Variants in ZNF804A observed in about 807,000 individuals in gnomAD.
The protein encoded by ZNF804A is zinc finger protein 804A.
In ZNF804A, 2 loss-of-function variants were observed where a neutral mutation model predicts 16.5. That is an observed-to-expected ratio of 0.12 (90% CI 0.05 to 0.38). The LOEUF (loss-of-function observed/expected upper bound fraction) is 0.38, where lower values mean the gene tolerates loss of function less well. ZNF804A is among the 10% of genes least tolerant of loss of function. The probability of loss-of-function intolerance (pLI) is 0.99; values close to 1 mark genes in which losing one functional copy is unlikely to be tolerated. For synonymous variants in ZNF804A, 534 were observed against 489.6 expected, an observed-to-expected ratio of 1.09 and a Z score of -1.20; for missense variants, 1,473 against 1,390.7, an observed-to-expected ratio of 1.06 and a Z score of -0.94.
intron 1 of ZNF804A, among the ~76,000 whole-genome samples, chr2:184,783,909 A>G (rs1694409546): frequency 1.3e-5 from 2 of 152,038 alleles, no homozygotes; most frequent in South Asian, 4.1e-4. Context: ...CTTCGGAAGT[A>G]TTGCAATGCC....
chr2:184,769,977 A>G lies in ZNF804A; in HGVS notation c.112-96392A>G, dbSNP rs150939553. On this transcript the variant is annotated intron_variant, in intron 1 of 3. Transcript: ENST00000302277. ...TCCTTTGGATATAACAAAGATACAT[A>G]AATATTTTAAAGTTATAATTTTGAG... Among the ~76,000 whole-genome samples the G allele has an allele frequency of 7.3e-3, 1,114 of 152,234 alleles. 19 individuals carry two copies. Among genetic ancestry groups the G allele is most frequent in the African/African-American group, 0.025 (1,053 of 41,576 alleles).
Position 184,627,885 on chromosome 2 carries a change from T to A in ZNF804A, c.111+28815T>A, listed in dbSNP as rs1252782577. On this transcript the variant is annotated intron_variant, in intron 1 of 3. Transcript: ENST00000302277. Reference sequence around the variant, plus strand: ...AATATGGGTGCCTTGAATTTCAACTTCCTAGGAAAGTTTAGAAGGAATTAA... The same window carrying A: ...AATATGGGTGCCTTGAATTTCAACTACCTAGGAAAGTTTAGAAGGAATTAA... 3.3e-5 allele frequency among the ~76,000 whole-genome samples: 5 copies of A among 152,274 alleles called. No homozygotes were observed. The East Asian group carries it at 9.6e-4, about 29-fold the overall frequency.
intron 1 of ZNF804A, among the ~76,000 whole-genome samples, chr2:184,755,225 G>A (rs1559142438): frequency 6.6e-6 from 1 of 151,898 alleles, no homozygotes; most frequent in Non-Finnish European, 1.5e-5. Context: ...TATATGATTC[G>A]TGAGCGTGTT....
At chr2:184,934,626 A>G (rs1685755727) in intron 3 of ZNF804A, among the ~76,000 whole-genome samples, 1 of 152,106 alleles carries the variant, frequency 6.6e-6, no homozygotes, top group Non-Finnish European at 1.5e-5. Context: ...TGAATAAAAA[A>G]TTATACAAAT....
At chr2:184,754,595 G>A (rs1276350029) in intron 1 of ZNF804A, among the ~76,000 whole-genome samples, 2 of 151,584 alleles carry the variant, frequency 1.3e-5, no homozygotes, top group Non-Finnish European at 2.9e-5. Flanking sequence ...TACTTATGAA[G>A]GTAAATATCT....
intron 1 of ZNF804A, among the ~76,000 whole-genome samples, chr2:184,623,876 A>G (rs1200512696): frequency 1.3e-5 from 2 of 152,198 alleles, no homozygotes; most frequent in African/African-American, 4.8e-5. Context: ...CCTTACTCAG[A>G]TTATAACATT....
intron 2 of ZNF804A, among the ~76,000 whole-genome samples, chr2:184,879,176 T>C (rs990525633): frequency 2.0e-5 from 3 of 151,948 alleles, no homozygotes; most frequent in Non-Finnish European, 4.4e-5. Context: ...AGGAAAATAA[T>C]CTACATTCTT....
chr2:184,882,975 T>A (rs1684832092), intron 2 of ZNF804A, among the ~76,000 whole-genome samples: 1 of 151,740 alleles, frequency 6.6e-6, no homozygotes, highest in African/African-American at 2.4e-5. Context: ...AATAGCCACA[T>A]AAAAGATCAA....
intron 2 of ZNF804A, among the ~76,000 whole-genome samples, chr2:184,880,799 C>A (rs1254910173): frequency 6.6e-6 from 1 of 152,020 alleles, no homozygotes; most frequent in Admixed American, 6.6e-5. Flanking sequence ...CAAGACAGAG[C>A]AAGAGGGTGC....
chr2:184,772,580 C>T (rs961726075), intron 1 of ZNF804A, among the ~76,000 whole-genome samples: 2 of 151,540 alleles, frequency 1.3e-5, no homozygotes, highest in Admixed American at 6.6e-5. Flanking sequence ...GCCACTATGA[C>T]CGTTTGTGTA....
chr2:184,931,032 A>T (rs1290468500), intron 2 of ZNF804A, among the ~76,000 whole-genome samples: 3 of 152,220 alleles, frequency 2.0e-5, no homozygotes, highest in Non-Finnish European at 4.4e-5. Context: ...GCAAGAGAGC[A>T]TGTGCAGGGG....
chr2:184,753,767 A>G (rs1266009090), intron 1 of ZNF804A, among the ~76,000 whole-genome samples: 2 of 151,864 alleles, frequency 1.3e-5, no homozygotes, highest in East Asian at 1.9e-4. Flanking sequence ...TCTAAAGGTG[A>G]GATTATCACA....
intron 1 of ZNF804A, among the ~76,000 whole-genome samples, chr2:184,691,417 A>C (rs1692722317): frequency 6.8e-6 from 1 of 148,092 alleles, no homozygotes; most frequent in African/African-American, 2.6e-5. Flanking sequence ...CATATATTCT[A>C]TATATATATA....
At chr2:184,896,944 T>C (rs746358522) in intron 2 of ZNF804A, among the ~76,000 whole-genome samples, 38 of 152,132 alleles carry the variant, frequency 2.5e-4, no homozygotes, top group Admixed American at 3.3e-4. Context: ...GATATGATTA[T>C]TAATCTCACT....
intron 1 of ZNF804A, among the ~76,000 whole-genome samples, chr2:184,705,463 A>T (rs1205684329): frequency 6.6e-6 from 1 of 152,192 alleles, no homozygotes; most frequent in African/African-American, 2.4e-5. Context: ...GTAGCTAAAA[A>T]GATAACCCAG....
intron 1 of ZNF804A, among the ~76,000 whole-genome samples, chr2:184,798,368 A>G (rs1314485688): frequency 1.3e-5 from 2 of 151,818 alleles, no homozygotes; most frequent in African/African-American, 4.8e-5. Context: ...TTTTTCAGGA[A>G]CACCAATTAT....
intron 1 of ZNF804A, among the ~76,000 whole-genome samples, chr2:184,847,970 C>T (rs569567050): frequency 6.6e-6 from 1 of 152,144 alleles, no homozygotes; most frequent in Admixed American, 6.6e-5. Flanking sequence ...TGTAGGTGCA[C>T]CACATTTCCA....
At chr2:184,770,792 T>C (rs1694198290) in intron 1 of ZNF804A, among the ~76,000 whole-genome samples, 1 of 152,010 alleles carries the variant, frequency 6.6e-6, no homozygotes, top group Non-Finnish European at 1.5e-5. Context: ...GAAACCCAAA[T>C]TTTTGTACCC....
intron 1 of ZNF804A, among the ~76,000 whole-genome samples, chr2:184,838,469 AATATTATTAAT>A (rs1358920901): frequency 1.3e-5 from 2 of 152,096 alleles, no homozygotes; most frequent in Non-Finnish European, 2.9e-5. Flanking sequence ...ATAAATATTC[AATATTATTAAT>A]ATTGTGATTA....
Sources: allele counts gnomAD v4.1 joint callset (sites outside exome capture counted in the v4.1 genomes callset), GRCh38; gene constraint gnomAD v4.1.1; transcripts MANE v1.5; gene names NCBI Gene and HGNC (gene_info 2026-07-23, HGNC 2026-07-21).